INTS6: variants seen among roughly 807,000 people sequenced by gnomAD.
The protein encoded by INTS6 is DEAD box protein.
In INTS6, 16 loss-of-function variants were observed where a neutral mutation model predicts 104.9. The ratio of observed to expected loss-of-function variants is 0.15; its 90% CI spans 0.10 to 0.23. INTS6 has a LOEUF of 0.23. Ranked by LOEUF, INTS6 falls within the 10% of genes least tolerant of loss-of-function variation. INTS6 has a pLI of 1.00. For missense variants in INTS6, 584 were observed against 1,062.8 expected (o/e 0.55, Z 6.26); for synonymous variants, 324 against 358.7 (o/e 0.90, Z 1.09).
At chr13:51,392,949 C>T (rs1956269816) in intron 5 of INTS6, among the ~76,000 whole-genome samples, 1 of 151,638 alleles carries the variant, frequency 6.6e-6, no homozygotes, top group African/African-American at 2.4e-5. Flanking sequence ...TAAAAAAATA[C>T]ATAGAAAGAA....
In INTS6 at chr13:51,378,543, T is replaced by C. The variant is rs954098558; in HGVS notation, c.1387-89A>G. The stretch of plus-strand genomic sequence containing the variant: ...GTTATGATCTTCTATAAATTAAATA[T>C]ATATTTTTTAAGTATATAAGAAGTT... On this transcript the variant is annotated intron_variant, in intron 11 of 17. Coordinates refer to ENST00000311234, the MANE Select transcript of INTS6 (RefSeq NM_012141.3). 22 of 709,452 alleles carry C rather than the reference T, an allele frequency of 3.1e-5. No individual in the cohort carries two copies. In the African/African-American group the frequency reaches 3.9e-4, roughly 12 times the overall value. The allele number at this position is 709,452 out of a possible 1,614,324, so 43.9% of individuals were successfully genotyped here.
the INTS6 span, chr13:51,347,201 C>A: frequency 2.9e-4 from 475 of 1,613,970 alleles, 1 homozygote; most frequent in South Asian, 2.3e-4. Flanking sequence ...CCTTCAGGTC[C>A]CCATGATGCA....
rs779817030 is a variant in INTS6 at position 51,430,351 on chromosome 13, T to C, written c.372A>G (p.Ile124Met). ...GRNPFFLEPA[I>M]IITITDGSKL... ...TGCTCCCATCAGTAATTGTGATAAT[T>C]ATTGCTGGCTCCAAGAAAAAAGGGT... Residue 124 changes from isoleucine to methionine, a missense_variant, in exon 4 of 18, where the codon ATA (isoleucine) becomes ATG (methionine). Ile to Met is a conservative substitution (Grantham distance 10, BLOSUM62 1). This residue lies in a region of INTS6 where 70 missense variants were observed against 190.3 expected (regional missense o/e 0.37). Coordinates refer to ENST00000311234, the MANE Select transcript of INTS6 (RefSeq NM_012141.3). 5 of 1,612,760 alleles carry C rather than the reference T, an allele frequency of 3.1e-6. No individual in the cohort carries two copies. Among genetic ancestry groups the C allele is most frequent in the Non-Finnish European group, 4.2e-6 (5 of 1,179,584 alleles).
At chr13:51,400,877 T>TC (rs1233678571) in intron 4 of INTS6, among the ~76,000 whole-genome samples, 2 of 152,216 alleles carry the variant, frequency 1.3e-5, no homozygotes, top group African/African-American at 4.8e-5. Flanking sequence ...TCTGCAATGT[T>TC]CTGTTTCACT....
intron 3 of INTS6, chr13:51,450,014 G>A (rs1465049561): frequency 1.0e-6 from 1 of 985,156 alleles, no homozygotes; most frequent in Non-Finnish European, 1.2e-6. Flanking sequence ...TCCTAAAACA[G>A]AAACAAGTCA....
chr13:51,394,420 CTAAAA>C (rs1339091209), intron 5 of INTS6, among the ~76,000 whole-genome samples: 1 of 151,960 alleles, frequency 6.6e-6, no homozygotes, highest in Non-Finnish European at 1.5e-5. Context: ...AAAAATGCAC[CTAAAA>C]TATTAATTAG....
chr13:51,406,378 C>T (rs1333860120), intron 4 of INTS6, among the ~76,000 whole-genome samples: 16 of 151,702 alleles, frequency 1.1e-4, no homozygotes, highest in Admixed American at 9.9e-4. Flanking sequence ...AAATGGTCCT[C>T]TTCCAATATT....
intron 5 of INTS6, among the ~76,000 whole-genome samples, chr13:51,394,019 C>A (rs1956290958): frequency 6.6e-6 from 1 of 150,688 alleles, no homozygotes. Flanking sequence ...AAGTAAAATC[C>A]CCAGAGTTTA....
chr13:51,405,416 GGA>G (rs1956543711), intron 4 of INTS6, among the ~76,000 whole-genome samples: 1 of 152,150 alleles, frequency 6.6e-6, no homozygotes, highest in Non-Finnish European at 1.5e-5. Context: ...AAAATGCAGA[GGA>G]ATAATTAGGA....
At chr13:51,348,106 G>A in the INTS6 span, 9 of 807,188 alleles carry the variant, frequency 1.1e-5, no homozygotes, top group Admixed American at 2.7e-5. Context: ...GTGGATGCTC[G>A]GTTTTATTGT....
intron 15 of INTS6, among the ~76,000 whole-genome samples, chr13:51,373,976 A>C (rs1955864517): frequency 1.3e-5 from 2 of 152,250 alleles, no homozygotes; most frequent in Admixed American, 6.5e-5. Context: ...AAAGATTTGC[A>C]AATGTATGTT....
At chr13:51,414,319 G>A (rs1389412328) in intron 4 of INTS6, among the ~76,000 whole-genome samples, 1 of 152,156 alleles carries the variant, frequency 6.6e-6, no homozygotes, top group African/African-American at 2.4e-5. Context: ...TTTTAAACCA[G>A]CTATTTTTGT....
intron 4 of INTS6, among the ~76,000 whole-genome samples, chr13:51,395,685 T>C (rs974581514): frequency 5.3e-5 from 8 of 152,238 alleles, no homozygotes; most frequent in African/African-American, 7.2e-5. Flanking sequence ...TTTGAAGATA[T>C]AGACTGAAAA....
rs9591405 is a variant in INTS6 at position 51,373,941 on chromosome 13, T to C, written c.2104+267A>G. Among the ~76,000 whole-genome samples, 1,361 of 152,372 alleles carry C rather than the reference T, an allele frequency of 8.9e-3. 24 individuals carry two copies. The highest frequency in any genetic ancestry group is 0.03 in the African/African-American group (1,266 of 41,584). ...ACCATCTTTCTGTGGATAGTGATAA[T>C]GCTCCTTTCGAAAGTATTATTTTGA... On this transcript the variant is annotated intron_variant, in intron 15 of 17. Transcript: ENST00000311234.
At chr13:51,347,107 C>A in the INTS6 span, 12 of 1,611,654 alleles carry the variant, frequency 7.4e-6, no homozygotes, top group East Asian at 1.8e-4. Context: ...TTGTGAGCAC[C>A]ATGTCCTTCC....
chr13:51,423,181 T>C (rs1034199841), intron 4 of INTS6: 35 of 458,746 alleles, frequency 7.6e-5, no homozygotes, highest in African/African-American at 7.3e-4. Context: ...CAAGGAAAAC[T>C]GTTGCTGAAT....
At chr13:51,407,636 T>A (rs1465522374) in intron 4 of INTS6, among the ~76,000 whole-genome samples, 1 of 152,198 alleles carries the variant, frequency 6.6e-6, no homozygotes, top group East Asian at 1.9e-4. Context: ...ATAGTGTTGA[T>A]TTAACATATT....
At chr13:51,379,986 T>C (rs1487699329) in intron 10 of INTS6, among the ~76,000 whole-genome samples, 1 of 152,130 alleles carries the variant, frequency 6.6e-6, no homozygotes, top group Non-Finnish European at 1.5e-5. Context: ...TATATGATTC[T>C]AGATCAGATT....
intron 7 of INTS6, among the ~76,000 whole-genome samples, chr13:51,385,640 T>G (rs1368857052): frequency 6.6e-6 from 1 of 152,202 alleles, no homozygotes; most frequent in African/African-American, 2.4e-5. Flanking sequence ...TAACTAATAG[T>G]GCCGTGATTC....
Sources: gnomAD v4.1 joint callset for allele counts (sites outside exome capture counted in the v4.1 genomes callset) on GRCh38, gnomAD v4.1.1 for gene constraint, gnomAD v4.1.1 regional missense constraint, MANE v1.5 for transcripts, NCBI Gene and HGNC (gene_info 2026-07-23, HGNC 2026-07-21) for gene names.